The following TMEM242 variants were observed in gnomAD, a reference collection of about 807,000 sequenced individuals.
TMEM242 encodes UPF0463 transmembrane protein C6orf35.
A neutral mutation model predicts 18.2 loss-of-function variants in TMEM242; 10 were observed. The observed-to-expected ratio is 0.55, with a 90% CI of 0.34 to 0.93. The LOEUF (loss-of-function observed/expected upper bound fraction) is 0.93. Ranked by LOEUF, TMEM242 falls within the 40% of genes least tolerant of loss-of-function variation. The pLI, the probability that TMEM242 is intolerant of heterozygous loss-of-function variation, is 0.02. For missense variants in TMEM242, 186 were observed against 175.5 expected (o/e 1.06, Z -0.34); for synonymous variants, 57 against 69.9 (o/e 0.81, Z 0.92).
chr6:157,317,361 ACAGT>A (rs1390376752), intron 3 of TMEM242, among the ~76,000 whole-genome samples: 2 of 152,112 alleles, frequency 1.3e-5, no homozygotes. Context: ...AGCATACAAC[ACAGT>A]CAGTCACTTC....
At chr6:157,296,024 G>A (rs1777743443) in intron 3 of TMEM242, among the ~76,000 whole-genome samples, 1 of 152,136 alleles carries the variant, frequency 6.6e-6, no homozygotes, top group African/African-American at 2.4e-5. Flanking sequence ...AAAGGTATTG[G>A]TTTGACCAAT....
intron 3 of TMEM242, among the ~76,000 whole-genome samples, chr6:157,303,265 G>A (rs1207058701): frequency 6.6e-6 from 1 of 152,224 alleles, no homozygotes; most frequent in Non-Finnish European, 1.5e-5. Context: ...GAGTAAGGCT[G>A]GGGAGTGGGC....
At chr6:157,294,540 C>T (rs1398396811) in intron 3 of TMEM242, among the ~76,000 whole-genome samples, 9 of 151,410 alleles carry the variant, frequency 5.9e-5, no homozygotes, top group African/African-American at 1.5e-4. Context: ...TTAGTAGAGA[C>T]GGGGTTTCAC....
Position 157,299,739 on chromosome 6 carries a change from G to A in TMEM242, c.328-6740C>T, listed in dbSNP as rs1318804364. On this transcript the variant is annotated intron_variant, in intron 3 of 3. Transcript: ENST00000400788. ...CGTGCACCTTCTGTGATAATCACTAGGCTGGAGTTTGCTGTGACAAGGTAA... is the reference window on the plus strand; with the variant it reads ...CGTGCACCTTCTGTGATAATCACTAAGCTGGAGTTTGCTGTGACAAGGTAA... 30 of 1,603,210 alleles carry A rather than the reference G, an allele frequency of 1.9e-5. No individual in the cohort carries two copies. The Middle Eastern group carries it at 6.6e-4, about 35-fold the overall frequency.
intron 3 of TMEM242, among the ~76,000 whole-genome samples, chr6:157,312,569 C>T (rs1350342478): frequency 7.6e-5 from 11 of 144,870 alleles, no homozygotes; most frequent in South Asian, 4.6e-4. Context: ...CCCCAGTGTA[C>T]GCTCACCCGG....
rs587742790 is a variant in TMEM242 at position 157,293,437 on chromosome 6, T to C, written c.328-438A>G. Among the ~76,000 whole-genome samples, 7 of 152,312 alleles carry C rather than the reference T, an allele frequency of 4.6e-5. No individual in the cohort carries two copies. The South Asian group carries it at 1.5e-3, about 32-fold the overall frequency. ...GTCCTAAACCGTCAACTCTCCATAA[T>C]AATTATTCCCTCCCAGAAGAAGAGT... is the stretch of plus-strand genomic sequence containing the variant. On this transcript the variant is annotated intron_variant, in intron 3 of 3. Transcript: ENST00000400788.
chr6:157,300,203 T>C, intron 3 of TMEM242: 1 of 459,868 alleles, frequency 2.2e-6, no homozygotes, highest in South Asian at 2.2e-5. Flanking sequence ...AAGAGAGCCA[T>C]TAGCAGCACC....
chr6:157,297,525 ACTCTT>A (rs1554247238), intron 3 of TMEM242, among the ~76,000 whole-genome samples: 1 of 151,654 alleles, frequency 6.6e-6, no homozygotes, highest in East Asian at 1.9e-4. Context: ...TGAAACCACC[ACTCTT>A]CTCTTCCCAC....
rs1554246871 is a variant in TMEM242, at chr6:157,292,352, G to C, written c.*549C>G. On this transcript the variant is annotated 3_prime_UTR_variant, in exon 4 of 4. Transcript: ENST00000400788. ...TCAGGTAAATAACTAGCATGTGTGT[G>C]ATGGCTGTAAAGCACAGACCACATT... 1.3e-5 allele frequency: 2 copies of C among 152,210 alleles called. No homozygotes were observed. Among genetic ancestry groups the C allele is most frequent in the African/African-American group, 4.8e-5 (2 of 41,430 alleles). 9.4% of individuals were successfully genotyped at this position (152,210 alleles called of 1,614,324 possible).
chr6:157,299,406 T>C (rs1777795574), intron 3 of TMEM242: 9 of 1,266,156 alleles, frequency 7.1e-6, no homozygotes, highest in Non-Finnish European at 1.0e-5. Flanking sequence ...TTCACTCCAC[T>C]CCATACAGGA....
chr6:157,312,952 G>GTA (rs1778230617), intron 3 of TMEM242, among the ~76,000 whole-genome samples: 1 of 824 alleles, frequency 1.2e-3, no homozygotes, highest in African/African-American at 5.3e-3. Flanking sequence ...GCGCTCACCC[G>GTA]GCCTCATCAT....
chr6:157,313,075 T>TGTCCGCTC (rs1554249599), intron 3 of TMEM242, among the ~76,000 whole-genome samples: 1 of 149,744 alleles, frequency 6.7e-6, no homozygotes, highest in African/African-American at 2.5e-5. Context: ...AGGGTCCCAG[T>TGTCCGCTC]ATGCACTCAC....
rs1777896003 is a variant in TMEM242 at position 157,305,344 on chromosome 6, G to A, written c.328-12345C>T. Among the ~76,000 whole-genome samples the A allele has an allele frequency of 3.3e-5, 5 of 152,118 alleles. No homozygotes were observed. Among genetic ancestry groups the A allele is most frequent in the Non-Finnish European group, 1.5e-5 (1 of 68,024 alleles). Reference sequence around the variant, plus strand: ...CTGGGGTTTTTGGTTTGAAGTGGAAGGATGAGATGACGGTGGCATTTACGG... The same window carrying A: ...CTGGGGTTTTTGGTTTGAAGTGGAAAGATGAGATGACGGTGGCATTTACGG... On this transcript the variant is annotated intron_variant, in intron 3 of 3. Coordinates refer to ENST00000400788, the MANE Select transcript of TMEM242 (RefSeq NM_018452.6). This position sits in a 1 kb window ranked among gnomAD's most constrained non-coding sequence, Gnocchi z 4.1.
At chr6:157,293,024 A>G (rs782461863) in intron 3 of TMEM242, 25 bp from the exon 4 acceptor site, 1 of 1,571,406 alleles carries the variant, frequency 6.4e-7, no homozygotes, top group Non-Finnish European at 8.8e-7. Flanking sequence ...ATAATCAGTT[A>G]TCAAATGTTA....
intron 3 of TMEM242, among the ~76,000 whole-genome samples, chr6:157,310,484 C>T (rs1583562346): frequency 6.7e-6 from 1 of 150,104 alleles, no homozygotes; most frequent in East Asian, 1.9e-4. Context: ...GTGTGCTCAC[C>T]TAGCCTCATC....
At chr6:157,293,298 C>A (rs587675877) in intron 3 of TMEM242, among the ~76,000 whole-genome samples, 155 of 152,266 alleles carry the variant, frequency 1.0e-3, no homozygotes, top group African/African-American at 3.6e-3. Flanking sequence ...GGGTAGATTG[C>A]TTGAGCCCAG....
At chr6:157,298,512 C>T (rs1389734711) in intron 3 of TMEM242, among the ~76,000 whole-genome samples, 2 of 152,186 alleles carry the variant, frequency 1.3e-5, no homozygotes, top group African/African-American at 2.4e-5. Flanking sequence ...TACACACATG[C>T]CCAACATGCA....
At chr6:157,299,118 G>A in intron 3 of TMEM242, 2 of 88,514 alleles carry the variant, frequency 2.3e-5, no homozygotes, top group Admixed American at 4.2e-4. Context: ...CTCTTCAGGG[G>A]TCAGCTTTCC....
intron 3 of TMEM242, among the ~76,000 whole-genome samples, chr6:157,309,587 C>T (rs1202459154): frequency 1.3e-5 from 2 of 152,078 alleles, no homozygotes; most frequent in African/African-American, 4.8e-5. Flanking sequence ...AACAAGGTCT[C>T]GCTATGTTGC....
Sources: gnomAD v4.1 joint callset for allele counts (sites outside exome capture counted in the v4.1 genomes callset) on GRCh38, gnomAD v4.1.1 for gene constraint, Gnocchi (gnomAD v3.1) non-coding constraint, MANE v1.5 for transcripts, NCBI Gene and HGNC (gene_info 2026-07-23, HGNC 2026-07-21) for gene names.